FAM53B: variants seen among roughly 807,000 people sequenced by gnomAD.
FAM53B encodes protein FAM53B.
In FAM53B, 12 loss-of-function variants were observed where a neutral mutation model predicts 32.7. The ratio of observed to expected loss-of-function variants is 0.37; its 90% confidence interval spans 0.24 to 0.59. FAM53B has a LOEUF of 0.59. Among genes scored for constraint, FAM53B ranks in the 20% least tolerant of loss-of-function variants. The pLI, the probability that FAM53B is intolerant of heterozygous loss-of-function variation, is 0.72. For missense variants in FAM53B, 477 were observed against 577.7 expected (o/e 0.83, Z 1.79); for synonymous variants, 234 against 228.7 (o/e 1.02, Z -0.21).
intron 1 of FAM53B, among the ~76,000 whole-genome samples, chr10:124,743,727 C>G (rs1258567785): frequency 2.0e-5 from 3 of 151,958 alleles, no homozygotes; most frequent in African/African-American, 7.3e-5. Flanking sequence ...ACTTTTCCGC[C>G]GCAGCCAGGC....
intron 4 of FAM53B, among the ~76,000 whole-genome samples, chr10:124,663,666 G>A (rs1213793965): frequency 6.6e-6 from 1 of 152,186 alleles, no homozygotes; most frequent in African/African-American, 2.4e-5. Flanking sequence ...GCTGCCAGGT[G>A]ATGTCTTCGT....
At chr10:124,691,161 C>G (rs1949830350) in intron 3 of FAM53B, among the ~76,000 whole-genome samples, 1 of 152,176 alleles carries the variant, frequency 6.6e-6, no homozygotes, top group South Asian at 2.1e-4. Context: ...ATCTCTTAGT[C>G]CTCCCCAGCT....
At chr10:124,642,810 C>T (rs574855035) in intron 4 of FAM53B, among the ~76,000 whole-genome samples, 1 of 152,326 alleles carries the variant, frequency 6.6e-6, no homozygotes, top group Non-Finnish European at 1.5e-5. Flanking sequence ...GGAGGTCGGT[C>T]TAGGAGAAAC....
chr10:124,627,178 C>T (rs1252630247), intron 4 of FAM53B, among the ~76,000 whole-genome samples: 3 of 152,234 alleles, frequency 2.0e-5, no homozygotes, highest in Non-Finnish European at 4.4e-5. Flanking sequence ...AGGAATGTGA[C>T]TGCCACAATG....
chr10:124,690,021 CCT>C (rs1273342422), intron 3 of FAM53B, among the ~76,000 whole-genome samples: 1 of 152,244 alleles, frequency 6.6e-6, no homozygotes, highest in Non-Finnish European at 1.5e-5. Flanking sequence ...TGGTCCATCT[CCT>C]CTGGATTTCC....
intron 4 of FAM53B, among the ~76,000 whole-genome samples, chr10:124,652,146 T>TC (rs1949560222): frequency 6.6e-6 from 1 of 152,182 alleles, no homozygotes; most frequent in Non-Finnish European, 1.5e-5. Context: ...CCCAAGACTT[T>TC]CCCAAGTTTG....
At chr10:124,731,283 G>A (rs1296433969) in intron 1 of FAM53B, among the ~76,000 whole-genome samples, 1 of 152,250 alleles carries the variant, frequency 6.6e-6, no homozygotes, top group East Asian at 1.9e-4. Context: ...GCACTATCCT[G>A]TTTATTCCTC....
chr10:124,685,386 C>G (rs1949796277), intron 3 of FAM53B, among the ~76,000 whole-genome samples: 1 of 152,252 alleles, frequency 6.6e-6, no homozygotes, highest in Non-Finnish European at 1.5e-5. Context: ...AGCGGGGGCC[C>G]ACAGCCCGCC....
At chr10:124,674,262 A>G (rs1949724373) in intron 4 of FAM53B, among the ~76,000 whole-genome samples, 1 of 152,210 alleles carries the variant, frequency 6.6e-6, no homozygotes. Context: ...TTCACACTGG[A>G]TGAGCAGCAG....
chr10:124,626,117 A>G lies in FAM53B; in HGVS notation c.907-2513T>C, dbSNP rs552473996. Among the ~76,000 whole-genome samples, 430 of 152,370 alleles carry G rather than the reference A, an allele frequency of 2.8e-3. 3 individuals carry two copies. Among genetic ancestry groups the G allele is most frequent in the Non-Finnish European group, 4.7e-3 (317 of 68,032 alleles). On this transcript the variant is annotated intron_variant, in intron 4 of 4. Coordinates refer to ENST00000337318, the MANE Select transcript of FAM53B (RefSeq NM_014661.4). ...TGTGCCTGACGCCCGAACGCGTGCC[A>G]GCGTTTTCTGCGAGCTGTCATGTGA...
chr10:124,729,476 C>T (rs1950127586), intron 1 of FAM53B, among the ~76,000 whole-genome samples: 1 of 152,228 alleles, frequency 6.6e-6, no homozygotes, highest in Admixed American at 6.5e-5. Context: ...TATTCTAGAG[C>T]TAAGTTCATC....
intron 4 of FAM53B, among the ~76,000 whole-genome samples, chr10:124,676,865 C>T (rs1425449372): frequency 1.3e-5 from 2 of 152,184 alleles, no homozygotes; most frequent in Non-Finnish European, 2.9e-5. Context: ...CCAGCTTTCA[C>T]GGTCCCTCAA....
chr10:124,691,566 A>C (rs1186644414), intron 3 of FAM53B, among the ~76,000 whole-genome samples: 1 of 152,176 alleles, frequency 6.6e-6, no homozygotes, highest in Non-Finnish European at 1.5e-5. Context: ...TTTTAAAATA[A>C]TTGGTATTGC....
At chr10:124,670,013 C>A (rs1260000615) in intron 4 of FAM53B, among the ~76,000 whole-genome samples, 1 of 152,040 alleles carries the variant, frequency 6.6e-6, no homozygotes, top group East Asian at 1.9e-4. Flanking sequence ...CTGCAAACAC[C>A]GGCCCGTGGA....
intron 4 of FAM53B, among the ~76,000 whole-genome samples, chr10:124,632,862 G>A (rs1177576269): frequency 6.6e-6 from 1 of 152,234 alleles, no homozygotes; most frequent in African/African-American, 2.4e-5. Flanking sequence ...CCTCCGGCAG[G>A]ACGGTGGGGT....
At chr10:124,686,598 A>G (rs1182092529) in intron 3 of FAM53B, among the ~76,000 whole-genome samples, 2 of 152,218 alleles carry the variant, frequency 1.3e-5, no homozygotes, top group East Asian at 3.8e-4. Context: ...TACAGCACGT[A>G]TGTACCTGAA....
At chr10:124,706,131 AGTGGTCCAGG>A (rs1282465627) in intron 2 of FAM53B, among the ~76,000 whole-genome samples, 6 of 152,168 alleles carry the variant, frequency 3.9e-5, no homozygotes, top group South Asian at 2.1e-4. Flanking sequence ...TAGTCCACCA[AGTGGTCCAGG>A]GTGGTCCAGG....
chr10:124,685,646 C>A (rs945781849), intron 3 of FAM53B, among the ~76,000 whole-genome samples: 1 of 152,252 alleles, frequency 6.6e-6, no homozygotes, highest in Admixed American at 6.5e-5. Context: ...TGATCCCACT[C>A]TCAGAGGATA....
In FAM53B at chr10:124,620,198, G is replaced by A. The variant is rs1400413601; in HGVS notation, c.*3044C>T. The A allele has an allele frequency of 6.6e-6, 1 of 152,666 alleles. No individual in the cohort carries two copies. Among genetic ancestry groups the A allele is most frequent in the African/African-American group, 2.4e-5 (1 of 41,460 alleles). 9.5% of individuals were successfully genotyped at this position (152,666 alleles called of 1,614,324 possible). A position where few individuals can be genotyped will look rare whatever the true frequency, so the allele number is the denominator to read the frequency against. On this transcript the variant is annotated 3_prime_UTR_variant, in exon 5 of 5. Transcript: ENST00000337318. ...AAGCTCCCCACGGGCCCAGGTGCAC[G>A]TCTGCCCGTGCAAATCCGGCCTCCA... is the stretch of plus-strand genomic sequence containing the variant.
Sources: allele counts gnomAD v4.1 joint callset (sites outside exome capture counted in the v4.1 genomes callset), GRCh38; gene constraint gnomAD v4.1.1; transcripts MANE v1.5; gene names NCBI Gene and HGNC (gene_info 2026-07-23, HGNC 2026-07-21).